The following NKAIN3 variants were observed in gnomAD, a reference collection of about 807,000 sequenced individuals.
The protein encoded by NKAIN3 is sodium/potassium transporting ATPase interacting 3, also known as sodium/potassium-transporting ATPase subunit beta-1-interacting protein 3.
A neutral mutation model predicts 30.2 loss-of-function variants in NKAIN3; 25 were observed. The ratio of observed to expected loss-of-function variants is 0.83; its 90% CI spans 0.60 to 1.16. The LOEUF (loss-of-function observed/expected upper bound fraction) is 1.16, where lower values mean the gene tolerates loss of function less well. Among genes scored for constraint, NKAIN3 ranks in the 50% most tolerant of loss-of-function variants. NKAIN3 has a pLI of 0.00. For missense variants in NKAIN3, 225 were observed against 254.1 expected, an observed-to-expected ratio of 0.89 and a Z score of 0.78; for synonymous variants, 91 against 89.6, an observed-to-expected ratio of 1.02 and a Z score of -0.09.
In NKAIN3 at chr8:62,528,307, AT is replaced by A. The variant is rs368503947; in HGVS notation, c.55-51231del. On this transcript the variant is annotated intron_variant, in intron 1 of 6. Coordinates refer to ENST00000623646, the MANE Select transcript of NKAIN3 (RefSeq NM_001304533.3). ...TTGTGATATATATATATATTATATTATATATATATATTATATAATATATATA... is the reference window on the plus strand; with the variant it reads ...TTGTGATATATATATATATTATATTAATATATATATTATATAATATATATA... Among the ~76,000 whole-genome samples, 3 of 93,328 alleles carry A rather than the reference AT, an allele frequency of 3.2e-5. No individual in the cohort carries two copies. The Admixed American group carries it at 3.3e-4, about 10-fold the overall frequency. 61.2% of individuals were successfully genotyped at this position (93,328 alleles called of 152,430 possible). A position where few individuals can be genotyped will look rare whatever the true frequency, so the allele number is the denominator to read the frequency against.
chr8:62,697,715 G>A (rs1280076676), intron 3 of NKAIN3, among the ~76,000 whole-genome samples: 1 of 152,096 alleles, frequency 6.6e-6, no homozygotes, highest in Non-Finnish European at 1.5e-5. Flanking sequence ...CACATATTAG[G>A]TTCTTCATAT....
At chr8:62,921,523 T>C (rs1217513305) in intron 5 of NKAIN3, among the ~76,000 whole-genome samples, 1 of 152,280 alleles carries the variant, frequency 6.6e-6, no homozygotes, top group East Asian at 1.9e-4. Context: ...ACCCGTCTTC[T>C]TAGTTACCTC....
At chr8:62,303,957 G>A (rs1814137512) in intron 1 of NKAIN3, among the ~76,000 whole-genome samples, 2 of 150,546 alleles carry the variant, frequency 1.3e-5, no homozygotes, top group South Asian at 2.1e-4. Flanking sequence ...TGAAAAACAC[G>A]ATTAGTACTG....
intron 1 of NKAIN3, among the ~76,000 whole-genome samples, chr8:62,420,891 C>T (rs1804617323): frequency 6.6e-6 from 1 of 152,068 alleles, no homozygotes; most frequent in South Asian, 2.1e-4. Context: ...GTAATAACCA[C>T]TTTTTATAGA....
intron 1 of NKAIN3, among the ~76,000 whole-genome samples, chr8:62,375,847 C>T (rs956847761): frequency 2.0e-5 from 3 of 152,200 alleles, no homozygotes; most frequent in African/African-American, 7.2e-5. Flanking sequence ...TTTCAGTCCA[C>T]AGACTTTGAT....
intron 5 of NKAIN3, among the ~76,000 whole-genome samples, chr8:62,946,629 A>G (rs1823132312): frequency 6.6e-6 from 1 of 152,194 alleles, no homozygotes; most frequent in Non-Finnish European, 1.5e-5. Flanking sequence ...TTATGAATTT[A>G]TATCACGGAA....
At chr8:62,938,223 G>A (rs1445442324) in intron 5 of NKAIN3, among the ~76,000 whole-genome samples, 1 of 152,206 alleles carries the variant, frequency 6.6e-6, no homozygotes, top group African/African-American at 2.4e-5. Context: ...GGGGAAGTTT[G>A]TATCCTCCCT....
At chr8:62,887,222 T>C (rs1035776845) in intron 4 of NKAIN3, among the ~76,000 whole-genome samples, 4 of 152,204 alleles carry the variant, frequency 2.6e-5, no homozygotes, top group Non-Finnish European at 5.9e-5. Flanking sequence ...CCTCTGTAAG[T>C]AAAGTGTTGT....
At chr8:62,936,487 C>T (rs1365295425) in intron 5 of NKAIN3, among the ~76,000 whole-genome samples, 2 of 152,100 alleles carry the variant, frequency 1.3e-5, no homozygotes, top group Non-Finnish European at 2.9e-5. Flanking sequence ...ATATAACCAA[C>T]CCTAACTCAG....
chr8:62,659,899 G>A (rs148339622), intron 3 of NKAIN3, among the ~76,000 whole-genome samples: 3,056 of 152,194 alleles, frequency 0.02, 92 homozygotes, highest in African/African-American at 0.069. Flanking sequence ...TTTGCCTGAG[G>A]CCATCCATGT....
At chr8:62,948,109 AT>A (rs1290202809) in intron 5 of NKAIN3, among the ~76,000 whole-genome samples, 2 of 151,718 alleles carry the variant, frequency 1.3e-5, no homozygotes, top group African/African-American at 2.4e-5. Context: ...TAGAGCTGGA[AT>A]TCAAAACAAG....
At chr8:62,797,750 A>C (rs1006717883) in intron 4 of NKAIN3, among the ~76,000 whole-genome samples, 3 of 152,330 alleles carry the variant, frequency 2.0e-5, no homozygotes, top group Non-Finnish European at 4.4e-5. Flanking sequence ...TCAGTGACTC[A>C]GAATGTGACC....
chr8:62,666,978 A>C (rs1813124304), intron 3 of NKAIN3, among the ~76,000 whole-genome samples: 1 of 152,092 alleles, frequency 6.6e-6, no homozygotes, highest in Admixed American at 6.6e-5. Flanking sequence ...TATATAAAAA[A>C]TTTAACTCCT....
At chr8:62,722,951 T>A (rs1815137911) in intron 3 of NKAIN3, among the ~76,000 whole-genome samples, 1 of 152,122 alleles carries the variant, frequency 6.6e-6, no homozygotes, top group South Asian at 2.1e-4. Flanking sequence ...TTGAGATTGG[T>A]GGTGACAAAT....
At position 62,818,301 on chromosome 8, in the gene NKAIN3, G is replaced by A. The variant is rs146855018; in HGVS notation, c.471+71172G>A. On this transcript the variant is annotated intron_variant, in intron 4 of 6. Transcript: ENST00000623646. The stretch of plus-strand genomic sequence containing the variant: ...TATGTTTGCAACTTTCTGTGAGATC[G>A]TAATTATTTCAAAAGAAAAAGTTTC... Among the ~76,000 whole-genome samples the A allele has an allele frequency of 1.1e-3, 175 of 152,180 alleles. 1 individual carries two copies. The highest frequency in any genetic ancestry group is 3.8e-3 in the African/African-American group (156 of 41,534).
intron 1 of NKAIN3, among the ~76,000 whole-genome samples, chr8:62,276,717 C>T (rs950371940): frequency 3.9e-5 from 6 of 152,062 alleles, no homozygotes; most frequent in African/African-American, 7.2e-5. Flanking sequence ...AAAGGTTAAA[C>T]GTAAAGGCCA....
chr8:62,745,983 T>C (rs1816056158), intron 3 of NKAIN3, among the ~76,000 whole-genome samples: 1 of 152,232 alleles, frequency 6.6e-6, no homozygotes, highest in Non-Finnish European at 1.5e-5. Flanking sequence ...TTCTCACCAA[T>C]ATTAGTTTCT....
chr8:62,318,969 T>G (rs1282372114), intron 1 of NKAIN3, among the ~76,000 whole-genome samples: 3 of 152,090 alleles, frequency 2.0e-5, no homozygotes, highest in South Asian at 2.1e-4. Flanking sequence ...GTCCTGGACT[T>G]TTTTTGGTTG....
chr8:62,303,269 G>C (rs1280549613), intron 1 of NKAIN3, among the ~76,000 whole-genome samples: 1 of 150,372 alleles, frequency 6.7e-6, no homozygotes, highest in Non-Finnish European at 1.5e-5. Flanking sequence ...CACAGTGTGA[G>C]CAAATTTCCG....
Sources: gnomAD v4.1 joint callset for allele counts (sites outside exome capture counted in the v4.1 genomes callset) on GRCh38, gnomAD v4.1.1 for gene constraint, MANE v1.5 for transcripts, NCBI Gene and HGNC (gene_info 2026-07-23, HGNC 2026-07-21) for gene names.